The following CSMD1 variants were observed in gnomAD, a reference collection of about 807,000 sequenced individuals.
The protein encoded by CSMD1 is CUB and Sushi multiple domains 1.
A neutral mutation model predicts 417.5 loss-of-function variants in CSMD1; 213 were observed. That is an observed-to-expected ratio of 0.51 (90% confidence interval 0.46 to 0.57). CSMD1 has a LOEUF of 0.57. Among genes scored for constraint, CSMD1 ranks in the 20% least tolerant of loss-of-function variants. The pLI, the probability that CSMD1 is intolerant of heterozygous loss-of-function variation, is 0.00. For missense variants in CSMD1, 6,923 were observed against 4,529.7 expected (o/e 1.53, Z -15.17); for synonymous variants, 2,862 against 1,736.8 (o/e 1.65, Z -16.11).
chr8:3,360,121 G>T (rs184170710), intron 20 of CSMD1, among the ~76,000 whole-genome samples: 1 of 152,286 alleles, frequency 6.6e-6, no homozygotes, highest in East Asian at 1.9e-4. Flanking sequence ...ATATACCTCA[G>T]TGAGGAACAG....
At chr8:3,755,420 ATCTT>A (rs1349968298) in intron 5 of CSMD1, among the ~76,000 whole-genome samples, 1 of 152,206 alleles carries the variant, frequency 6.6e-6, no homozygotes, top group Non-Finnish European at 1.5e-5. Context: ...ATTATTTTGC[ATCTT>A]GGTAACAAAA....
intron 3 of CSMD1, among the ~76,000 whole-genome samples, chr8:4,162,577 T>C (rs1007503012): frequency 6.6e-6 from 1 of 152,090 alleles, no homozygotes; most frequent in African/African-American, 2.4e-5. Flanking sequence ...ATTTTTTAAA[T>C]ATAGATTTTA....
At chr8:3,573,630 T>C (rs899719056) in intron 10 of CSMD1, among the ~76,000 whole-genome samples, 6 of 152,174 alleles carry the variant, frequency 3.9e-5, no homozygotes, top group African/African-American at 1.2e-4. Context: ...ATGAACACTT[T>C]ACGGAATCTA....
chr8:3,162,156 T>C lies in CSMD1; in HGVS notation c.5844+3A>G, dbSNP rs1435513451. ...TATTCCTGAGCACTGAGAAGAAGGA[T>C]ACCTGCAGGGTGTACCCGGGCTCGC... On this transcript the variant is annotated splice_donor_region_variant and intron_variant, in intron 38 of 69. Coordinates refer to ENST00000635120, the MANE Select transcript of CSMD1 (RefSeq NM_033225.6). 1 of 1,579,322 alleles carries C rather than the reference T, an allele frequency of 6.3e-7. No homozygotes were observed. The highest frequency in any genetic ancestry group is 1.3e-5 in the African/African-American group (1 of 74,376).
intron 2 of CSMD1, among the ~76,000 whole-genome samples, chr8:4,543,952 G>A (rs190615763): frequency 1.3e-5 from 2 of 152,152 alleles, no homozygotes; most frequent in Admixed American, 1.3e-4. Flanking sequence ...TGTCTGTTAA[G>A]GTCTTTAGCC....
At chr8:4,699,293 T>A (rs1023612024) in intron 1 of CSMD1, among the ~76,000 whole-genome samples, 1 of 152,204 alleles carries the variant, frequency 6.6e-6, no homozygotes, top group African/African-American at 2.4e-5. Context: ...ACAGTACCTC[T>A]CTGTTTCTAG....
At chr8:4,480,982 A>G (rs765076596) in intron 2 of CSMD1, among the ~76,000 whole-genome samples, 7 of 152,174 alleles carry the variant, frequency 4.6e-5, no homozygotes, top group Non-Finnish European at 1.0e-4. Flanking sequence ...TCTTTGGTGC[A>G]GTGATTTTTG....
In CSMD1 at chr8:3,930,727, G is replaced by A. The variant is rs188024864; in HGVS notation, c.818+67176C>T. ...GAAAGGAAAAAAATGGCCTTGTGAG[G>A]AAATTAAATTTATGTTCAAGTGCTA... On this transcript the variant is annotated intron_variant, in intron 5 of 69. Coordinates refer to ENST00000635120, the MANE Select transcript of CSMD1 (RefSeq NM_033225.6). Among the ~76,000 whole-genome samples the A allele has an allele frequency of 6.7e-3, 1,009 of 150,440 alleles. 54 individuals carry two copies. The highest frequency in any genetic ancestry group is 0.034 in the Middle Eastern group (10 of 292).
At position 3,406,007 on chromosome 8, in the gene CSMD1, G is replaced by T; in HGVS notation, c.2266+20C>A. Reference sequence around the variant, plus strand: ...TGTGTGATTTCAAAGGAGAAGAGCGGGGGGTGGCAGGGACTGCACCTTCAC... The same window carrying T: ...TGTGTGATTTCAAAGGAGAAGAGCGTGGGGTGGCAGGGACTGCACCTTCAC... On this transcript the variant is annotated intron_variant, in intron 15 of 69. Coordinates refer to ENST00000635120, the MANE Select transcript of CSMD1 (RefSeq NM_033225.6). 1 of 1,608,610 alleles carries T rather than the reference G, an allele frequency of 6.2e-7. No individual in the cohort carries two copies. The highest frequency in any genetic ancestry group is 8.5e-7 in the Non-Finnish European group (1 of 1,177,134).
At chr8:4,175,607 G>T (rs545776220) in intron 3 of CSMD1, among the ~76,000 whole-genome samples, 1 of 152,034 alleles carries the variant, frequency 6.6e-6, no homozygotes, top group East Asian at 1.9e-4. Context: ...CAATGATCAC[G>T]CAATTATCAC....
chr8:3,783,755 T>C (rs1799304601), intron 5 of CSMD1, among the ~76,000 whole-genome samples: 1 of 152,174 alleles, frequency 6.6e-6, no homozygotes, highest in African/African-American at 2.4e-5. Context: ...GATCCCCCTT[T>C]GCATATAAGG....
At chr8:3,098,169 G>C (rs985030632) in intron 46 of CSMD1, among the ~76,000 whole-genome samples, 1 of 152,146 alleles carries the variant, frequency 6.6e-6, no homozygotes, top group South Asian at 2.1e-4. Flanking sequence ...AATAAAAAAT[G>C]TATATCAAAA....
At chr8:4,239,627 C>T (rs896449818) in intron 3 of CSMD1, among the ~76,000 whole-genome samples, 2 of 152,166 alleles carry the variant, frequency 1.3e-5, no homozygotes, top group Non-Finnish European at 2.9e-5. Flanking sequence ...ACCTAGAGAA[C>T]CCAAACTGCT....
intron 3 of CSMD1, among the ~76,000 whole-genome samples, chr8:4,113,929 T>C (rs932839311): frequency 2.0e-5 from 3 of 152,180 alleles, no homozygotes; most frequent in African/African-American, 7.2e-5. Flanking sequence ...GACTGGTTCA[T>C]AAGATTTAAG....
At chr8:4,583,786 T>C (rs1024770243) in intron 2 of CSMD1, among the ~76,000 whole-genome samples, 1 of 152,000 alleles carries the variant, frequency 6.6e-6, no homozygotes, top group African/African-American at 2.4e-5. Flanking sequence ...TGGGGCCAGA[T>C]AAGAGAATAA....
intron 10 of CSMD1, among the ~76,000 whole-genome samples, chr8:3,564,970 T>A (rs563212078): frequency 6.7e-6 from 1 of 149,264 alleles, no homozygotes; most frequent in East Asian, 2.0e-4. Flanking sequence ...TAATGATGAA[T>A]AGCTAAGGAA....
chr8:3,506,684 A>G (rs1205857434), intron 10 of CSMD1, among the ~76,000 whole-genome samples: 4 of 152,192 alleles, frequency 2.6e-5, no homozygotes. Flanking sequence ...ATAAACTCCG[A>G]ATTTGGGGTG....
In CSMD1 at chr8:4,406,535, G is replaced by T. The variant is rs146609682; in HGVS notation, c.415+13418C>A. Among the ~76,000 whole-genome samples the T allele has an allele frequency of 3.5e-4, 54 of 152,258 alleles. 1 individual carries two copies. Among genetic ancestry groups the T allele is most frequent in the African/African-American group, 1.1e-3 (44 of 41,536 alleles). ...TTGATATTACTTTTCATTCTAAGAA[G>T]TTTGAGGAGCACAGAGTCCTGCCTT... On this transcript the variant is annotated intron_variant, in intron 3 of 69. Coordinates refer to ENST00000635120, the MANE Select transcript of CSMD1 (RefSeq NM_033225.6).
intron 3 of CSMD1, among the ~76,000 whole-genome samples, chr8:4,413,166 G>C (rs111264108): frequency 0.028 from 4,318 of 152,230 alleles, 100 homozygotes; most frequent in African/African-American, 0.067. Context: ...AGAATAATCA[G>C]AGTTAACACC....
Sources: allele counts gnomAD v4.1 joint callset (sites outside exome capture counted in the v4.1 genomes callset), GRCh38; gene constraint gnomAD v4.1.1; transcripts MANE v1.5; gene names NCBI Gene and HGNC (gene_info 2026-07-23, HGNC 2026-07-21).